Variants in CNTLN observed in about 807,000 individuals in gnomAD.
The protein encoded by CNTLN is centlein, centrosomal protein.
Under a neutral mutation model 180.0 loss-of-function variants are expected in CNTLN, and 212 were observed. The ratio of observed to expected loss-of-function variants is 1.18; its 90% CI spans 1.05 to 1.32. The LOEUF (loss-of-function observed/expected upper bound fraction) is 1.32, where lower values mean the gene tolerates loss of function less well. Ranked by LOEUF, CNTLN falls within the 40% of genes most tolerant of loss-of-function variation. CNTLN has a pLI of 0.00. For synonymous variants in CNTLN, 722 were observed against 563.1 expected, an observed-to-expected ratio of 1.28 and a Z score of -3.99; for missense variants, 2,095 against 1,610.9, an observed-to-expected ratio of 1.30 and a Z score of -5.14.
rs1818084712 is a variant in CNTLN at position 17,298,196 on chromosome 9, A to G, written c.990A>G (p.Glu330=). ...KDMDITLVRK[E]LQELQNLYKQ... The stretch of plus-strand genomic sequence containing the variant: ...TATTGCTTGCTTTGCACAGGAAGGA[A>G]CTGCAGGAGCTGCAGAATCTTTACA... Residue 330 remains glutamate, a synonymous_variant, in exon 7 of 26, where the codon GAA becomes GAG. Coordinates refer to ENST00000380647, the MANE Select transcript of CNTLN (RefSeq NM_017738.4). The G allele has an allele frequency of 1.3e-6, 2 of 1,515,052 alleles. No individual in the cohort carries two copies. The highest frequency in any genetic ancestry group is 1.8e-4 in the Middle Eastern group (1 of 5,666). The allele number at this position is 1,515,052 out of a possible 1,614,324, so 93.9% of individuals were successfully genotyped here.
rs1405335634 is a variant in CNTLN at position 17,236,474 on chromosome 9, G to A, written c.735G>A (p.Glu245=). 6.2e-7 allele frequency: 1 copy of A among 1,613,582 alleles called. No individual in the cohort carries two copies. The highest frequency in any genetic ancestry group is 8.5e-7 in the Non-Finnish European group (1 of 1,179,686). The change falls in exon 5 of 26, where the codon GAG becomes GAA. Residue 245 remains glutamate, a synonymous_variant. Transcript: ENST00000380647. ...QNRLVIKNLE[E]ENKKLSTRCT... is the part of the protein sequence containing the mutation. Reference sequence around the variant, plus strand: ...GACTAGTTATAAAAAATCTGGAGGAGGAAAACAAGAAATTAAGTACCCGCT... The same window carrying A: ...GACTAGTTATAAAAAATCTGGAGGAAGAAAACAAGAAATTAAGTACCCGCT...
intron 9 of CNTLN, among the ~76,000 whole-genome samples, chr9:17,332,221 C>G (rs1012609098): frequency 6.6e-6 from 1 of 151,886 alleles, no homozygotes; most frequent in South Asian, 2.1e-4. Flanking sequence ...GGAAAAAAAT[C>G]CTTTCCCTCT....
chr9:17,217,835 T>G (rs1167153058), intron 2 of CNTLN, among the ~76,000 whole-genome samples: 1 of 152,254 alleles, frequency 6.6e-6, no homozygotes, highest in African/African-American at 2.4e-5. Context: ...AGTCACTTAA[T>G]TTCTAACTAT....
intron 3 of CNTLN, 59 bp from the exon 4 acceptor site, chr9:17,235,599 T>G: frequency 7.3e-7 from 1 of 1,361,426 alleles, no homozygotes; most frequent in Non-Finnish European, 1.0e-6. Flanking sequence ...ACCTTTAAAA[T>G]AAAATACTGT....
intron 13 of CNTLN, among the ~76,000 whole-genome samples, chr9:17,374,249 A>G (rs1824568424): frequency 6.6e-6 from 1 of 152,222 alleles, no homozygotes; most frequent in Non-Finnish European, 1.5e-5. Flanking sequence ...ATATATAAGC[A>G]GCTAAAAACT....
chr9:17,405,813 A>T (rs1827343075), intron 15 of CNTLN, among the ~76,000 whole-genome samples: 1 of 151,188 alleles, frequency 6.6e-6, no homozygotes, highest in African/African-American at 2.4e-5. Flanking sequence ...TTTTAGATGG[A>T]GTTTTGCTCC....
chr9:17,499,616 A>T (rs1215668059), intron 25 of CNTLN, among the ~76,000 whole-genome samples: 1 of 152,186 alleles, frequency 6.6e-6, no homozygotes, highest in African/African-American at 2.4e-5. Context: ...AGCTACTTAA[A>T]TTTTTTTAAA....
At chr9:17,346,607 C>A (rs1199176161) in intron 12 of CNTLN, among the ~76,000 whole-genome samples, 2 of 152,146 alleles carry the variant, frequency 1.3e-5, no homozygotes, top group African/African-American at 2.4e-5. Flanking sequence ...ATCTTTGTTC[C>A]ACAATAGGTA....
intron 12 of CNTLN, among the ~76,000 whole-genome samples, chr9:17,349,629 C>T (rs1037528891): frequency 2.6e-5 from 4 of 152,140 alleles, no homozygotes; most frequent in East Asian, 1.9e-4. Flanking sequence ...TTGCTGCTAT[C>T]GCATAGGAAT....
chr9:17,512,317 T>C, the CNTLN span, among the ~76,000 whole-genome samples: 1 of 152,186 alleles, frequency 6.6e-6, no homozygotes, highest in Non-Finnish European at 1.5e-5. Context: ...CAATTTAAAC[T>C]GAAGCTAAAG....
intron 23 of CNTLN, among the ~76,000 whole-genome samples, chr9:17,477,818 A>G (rs1832432738): frequency 6.6e-6 from 1 of 152,254 alleles, no homozygotes; most frequent in Admixed American, 6.5e-5. Flanking sequence ...AGAATATTCC[A>G]TAAACTTAGT....
At chr9:17,359,740 A>AAAAC (rs1564027361) in intron 12 of CNTLN, among the ~76,000 whole-genome samples, 1 of 123,230 alleles carries the variant, frequency 8.1e-6, no homozygotes, top group Non-Finnish European at 1.7e-5. Flanking sequence ...AAAAAAAAAA[A>AAAAC]AAAAAAAAAA....
downstream of CNTLN, among the ~76,000 whole-genome samples, chr9:17,505,180 A>ATTTGATAAGACCATC (rs1833910088): frequency 6.6e-6 from 1 of 152,084 alleles, no homozygotes; most frequent in East Asian, 1.9e-4. Flanking sequence ...GAACTTCTCA[A>ATTTGATAAGACCATC]TTTGATAAGA....
chr9:17,509,968 G>C, the CNTLN span, among the ~76,000 whole-genome samples: 2 of 152,140 alleles, frequency 1.3e-5, no homozygotes, highest in African/African-American at 4.8e-5. Context: ...TTGCTGGCTG[G>C]GGTGAGTGAT....
intron 2 of CNTLN, among the ~76,000 whole-genome samples, chr9:17,147,835 G>A (rs551134176): frequency 2.0e-5 from 3 of 152,216 alleles, no homozygotes; most frequent in East Asian, 1.9e-4. Flanking sequence ...TAATAATGCC[G>A]TGATGAATGG....
chr9:17,202,222 T>C (rs901028700), intron 2 of CNTLN, among the ~76,000 whole-genome samples: 8 of 152,200 alleles, frequency 5.3e-5, no homozygotes, highest in African/African-American at 1.9e-4. Context: ...TTTCTGTTTG[T>C]TTGCATTTGC....
intron 6 of CNTLN, among the ~76,000 whole-genome samples, chr9:17,280,102 T>C (rs747920837): frequency 2.0e-5 from 3 of 152,218 alleles, no homozygotes; most frequent in Non-Finnish European, 4.4e-5. Context: ...TTTTTCTTTA[T>C]AAATTACCCA....
the CNTLN span, among the ~76,000 whole-genome samples, chr9:17,517,912 T>C: frequency 6.6e-6 from 1 of 151,842 alleles, no homozygotes; most frequent in Non-Finnish European, 1.5e-5. Flanking sequence ...ACTCAGGCCT[T>C]CCGACTCTGT....
At chr9:17,445,900 C>A (rs899966981) in intron 18 of CNTLN, among the ~76,000 whole-genome samples, 5 of 149,646 alleles carry the variant, frequency 3.3e-5, no homozygotes, top group African/African-American at 1.3e-4. Context: ...GTATAAAACC[C>A]GATTGTATGC....
Sources: gnomAD v4.1 joint callset for allele counts (sites outside exome capture counted in the v4.1 genomes callset) on GRCh38, gnomAD v4.1.1 for gene constraint, MANE v1.5 for transcripts, NCBI Gene and HGNC (gene_info 2026-07-23, HGNC 2026-07-21) for gene names.